ZNRF2: variants seen among roughly 807,000 people sequenced by gnomAD.
The protein encoded by ZNRF2 is E3 ubiquitin-protein ligase ZNRF2.
ZNRF2 carries 16 observed loss-of-function variants against 20.4 expected under a neutral mutation model. That is an observed-to-expected ratio of 0.79 (90% confidence interval 0.53 to 1.19). ZNRF2 has a LOEUF of 1.19. Among genes scored for constraint, ZNRF2 ranks in the 50% most tolerant of loss-of-function variants. The probability of loss-of-function intolerance (pLI) is 0.00; values close to 1 mark genes in which losing one functional copy is unlikely to be tolerated. For synonymous variants in ZNRF2, 178 were observed against 144.9 expected (o/e 1.23, Z -1.64); for missense variants, 363 against 332.4 (o/e 1.09, Z -0.72).
intron 2 of ZNRF2, among the ~76,000 whole-genome samples, chr7:30,335,084 G>A (rs2127950264): frequency 6.6e-6 from 1 of 152,198 alleles, no homozygotes; most frequent in South Asian, 2.1e-4. Flanking sequence ...AATCTAGAAA[G>A]CCTGAAGTAG....
At chr7:30,326,886 G>C (rs1329040604) in intron 2 of ZNRF2, among the ~76,000 whole-genome samples, 1 of 152,112 alleles carries the variant, frequency 6.6e-6, no homozygotes, top group African/African-American at 2.4e-5. Context: ...CTAATGATCA[G>C]TGATGTTGAG....
chr7:30,302,902 C>T (rs780724320), intron 1 of ZNRF2, among the ~76,000 whole-genome samples: 1 of 152,158 alleles, frequency 6.6e-6, no homozygotes, highest in Non-Finnish European at 1.5e-5. Context: ...AAAGTTTATC[C>T]TGTAGAATAC....
At position 30,360,168 on chromosome 7, in the gene ZNRF2, C is replaced by G. The variant is rs371232657; in HGVS notation, c.672-2209C>G. 5.9e-5 allele frequency among the ~76,000 whole-genome samples: 9 copies of G among 152,272 alleles called. No homozygotes were observed. The East Asian group carries it at 1.7e-3, about 29-fold the overall frequency. Reference sequence around the variant, plus strand: ...CTATTCAAAGTACAAGTCCAGAAGGCAATAAAGAGTTTCTGCCAGTTAAAT... The same window carrying G: ...CTATTCAAAGTACAAGTCCAGAAGGGAATAAAGAGTTTCTGCCAGTTAAAT... On this transcript the variant is annotated intron_variant, in intron 3 of 4. Coordinates refer to ENST00000323037, the MANE Select transcript of ZNRF2 (RefSeq NM_147128.4).
chr7:30,357,804 C>T (rs1800063991), intron 3 of ZNRF2, among the ~76,000 whole-genome samples: 1 of 152,010 alleles, frequency 6.6e-6, no homozygotes, highest in African/African-American at 2.4e-5. Context: ...TAGATTCTTC[C>T]AAGAAGTAGA....
At chr7:30,293,818 T>C (rs370657118) in intron 1 of ZNRF2, among the ~76,000 whole-genome samples, 1 of 152,212 alleles carries the variant, frequency 6.6e-6, no homozygotes, top group South Asian at 2.1e-4. Context: ...AAAATATTAG[T>C]GTGTCAGAAA....
chr7:30,286,075 G>A (rs1310496560), intron 1 of ZNRF2, among the ~76,000 whole-genome samples: 1 of 152,220 alleles, frequency 6.6e-6, no homozygotes, highest in Non-Finnish European at 1.5e-5. Flanking sequence ...CGGCTGCCCA[G>A]TAGAGAAAGT....
In ZNRF2 at chr7:30,345,546, A is replaced by T. The variant is rs534764723; in HGVS notation, c.566-10182A>T. 4.6e-4 allele frequency among the ~76,000 whole-genome samples: 69 copies of T among 150,366 alleles called. No individual in the cohort carries two copies. The Middle Eastern group carries it at 0.01, about 22-fold the overall frequency. ...GTGGTGGTCCTTCTCTTTTTTTTTT[A>T]AATTATTTATTATTTACTTTGTTCT... On this transcript the variant is annotated intron_variant, in intron 2 of 4. Coordinates refer to ENST00000323037, the MANE Select transcript of ZNRF2 (RefSeq NM_147128.4).
intron 4 of ZNRF2, among the ~76,000 whole-genome samples, chr7:30,363,714 T>C (rs1358072548): frequency 4.6e-5 from 7 of 152,144 alleles, no homozygotes; most frequent in African/African-American, 1.7e-4. Context: ...TCTGAAAATG[T>C]TTAGTGAATT....
intron 1 of ZNRF2, among the ~76,000 whole-genome samples, chr7:30,303,201 C>G (rs1799145850): frequency 6.7e-6 from 1 of 150,278 alleles, no homozygotes; most frequent in African/African-American, 2.5e-5. Context: ...GAGGATCACT[C>G]AACTTGGCTT....
chr7:30,299,129 A>G (rs1437535485), intron 1 of ZNRF2, among the ~76,000 whole-genome samples: 1 of 152,126 alleles, frequency 6.6e-6, no homozygotes, highest in African/African-American at 2.4e-5. Context: ...TCACTCCTAT[A>G]AAAATTTGGA....
At chr7:30,343,682 TA>T (rs1799832906) in intron 2 of ZNRF2, among the ~76,000 whole-genome samples, 1 of 144,576 alleles carries the variant, frequency 6.9e-6, no homozygotes, top group African/African-American at 2.4e-5. Context: ...ATTTGCCTGA[TA>T]AGTTTTTTTT....
chr7:30,328,768 A>G (rs56694867), intron 2 of ZNRF2, among the ~76,000 whole-genome samples: 18,117 of 152,062 alleles, frequency 0.12, 2,913 homozygotes, highest in African/African-American at 0.37. Flanking sequence ...CTAGGTAGAA[A>G]CTCTCAGGGA....
chr7:30,294,652 A>T (rs1205898889), intron 1 of ZNRF2, among the ~76,000 whole-genome samples: 1 of 152,006 alleles, frequency 6.6e-6, no homozygotes, highest in African/African-American at 2.4e-5. Context: ...GCATGGTGGC[A>T]GGTGCCCGTA....
rs141511101 is a variant in ZNRF2, at chr7:30,365,123, C to T, written c.*23-912C>T. ...CATAGCAATTTTGGGAGTACACAAACATTTAGACCATAGAGCTGATAAGCT... is the reference window on the plus strand; with the variant it reads ...CATAGCAATTTTGGGAGTACACAAATATTTAGACCATAGAGCTGATAAGCT... On this transcript the variant is annotated intron_variant, in intron 4 of 4. Coordinates refer to ENST00000323037, the MANE Select transcript of ZNRF2 (RefSeq NM_147128.4). Among the ~76,000 whole-genome samples, 508 of 139,586 alleles carry T rather than the reference C, an allele frequency of 3.6e-3. 3 individuals are homozygous for T. Among genetic ancestry groups the T allele is most frequent in the African/African-American group, 0.013 (473 of 37,554 alleles). 91.6% of individuals were successfully genotyped at this position (139,586 alleles called of 152,430 possible).
In ZNRF2 at chr7:30,362,433, A is replaced by G; in HGVS notation, c.728A>G (p.Ter243=). Residue 243 remains the stop codon, a stop_retained_variant, in exon 4 of 5, where the codon TAA becomes TGA. Transcript: ENST00000323037. ...TCTTGCCCTGAGCACCCTTCAGATT[A>G]AGCGTCAGCTTCCTGTTTTATAGGT... ...NRSCPEHPSD[*] is the part of the protein sequence containing the mutation. 4 of 1,597,786 alleles carry G rather than the reference A, an allele frequency of 2.5e-6. No individual in the cohort carries two copies. The highest frequency in any genetic ancestry group is 3.4e-6 in the Non-Finnish European group (4 of 1,169,730).
chr7:30,299,710 A>G (rs1199088311), intron 1 of ZNRF2, among the ~76,000 whole-genome samples: 1 of 150,002 alleles, frequency 6.7e-6, no homozygotes, highest in Non-Finnish European at 1.5e-5. Context: ...TTCATTTTGT[A>G]TGTGATTTTG....
At chr7:30,336,277 G>A (rs1197575464) in intron 2 of ZNRF2, among the ~76,000 whole-genome samples, 7 of 151,910 alleles carry the variant, frequency 4.6e-5, no homozygotes, top group East Asian at 3.9e-4. Context: ...CTGATTATCC[G>A]TAGCACTGCC....
At chr7:30,333,549 TA>T (rs1799670772) in intron 2 of ZNRF2, among the ~76,000 whole-genome samples, 1 of 151,874 alleles carries the variant, frequency 6.6e-6, no homozygotes, top group Admixed American at 6.6e-5. Context: ...TTTGTATTTT[TA>T]GTAGAGGCAG....
At chr7:30,330,092 C>A (rs187829903) in intron 2 of ZNRF2, among the ~76,000 whole-genome samples, 1 of 152,220 alleles carries the variant, frequency 6.6e-6, no homozygotes, top group Admixed American at 6.5e-5. Flanking sequence ...TTATGGTATA[C>A]TTTATACCAT....
Sources: gnomAD v4.1 joint callset for allele counts (sites outside exome capture counted in the v4.1 genomes callset) on GRCh38, gnomAD v4.1.1 for gene constraint, MANE v1.5 for transcripts, NCBI Gene and HGNC (gene_info 2026-07-23, HGNC 2026-07-21) for gene names.